IFT140: variants seen among roughly 807,000 people sequenced by gnomAD.
The protein encoded by IFT140 is intraflagellar transport protein 140 homolog.
A neutral mutation model predicts 164.6 loss-of-function variants in IFT140; 133 were observed. The ratio of observed to expected loss-of-function variants is 0.81; its 90% CI spans 0.70 to 0.93. The LOEUF (loss-of-function observed/expected upper bound fraction) is 0.93. IFT140 is among the 40% of genes least tolerant of loss of function. The pLI is 0.00. For missense variants in IFT140, 2,045 were observed against 1,972.3 expected, an observed-to-expected ratio of 1.04 and a Z score of -0.70; for synonymous variants, 860 against 817.3, an observed-to-expected ratio of 1.05 and a Z score of -0.89.
At chr16:1,511,796 C>T (rs964280598) in intron 30 of IFT140, among the ~76,000 whole-genome samples, 2 of 151,862 alleles carry the variant, frequency 1.3e-5, no homozygotes, top group African/African-American at 4.8e-5. Context: ...GACAAACCAC[C>T]TGCCATGTGC....
chr16:1,589,569 T>C, intron 7 of IFT140, 36 bp downstream of exon 7: 1 of 1,600,212 alleles, frequency 6.2e-7, no homozygotes. Flanking sequence ...TGGCCCAAGA[T>C]CCCCAGCGTG....
intron 19 of IFT140, chr16:1,554,886 C>T: frequency 6.2e-7 from 1 of 1,614,274 alleles, no homozygotes; most frequent in Non-Finnish European, 8.5e-7. Context: ...TCTGGCCACG[C>T]TGGCGGCAGC....
intron 19 of IFT140, among the ~76,000 whole-genome samples, chr16:1,535,504 T>A (rs535993999): frequency 2.1e-4 from 32 of 152,262 alleles, no homozygotes; most frequent in African/African-American, 7.7e-4. Flanking sequence ...CTCCTTCTGC[T>A]CTGAAGATAA....
intron 12 of IFT140, among the ~76,000 whole-genome samples, 198 bp downstream of exon 12, chr16:1,583,116 C>T (rs775739811): frequency 1.2e-4 from 19 of 152,096 alleles, no homozygotes; most frequent in Non-Finnish European, 2.4e-4. Context: ...TTGTTTACGC[C>T]CACACAGCAG....
At chr16:1,530,171 A>C (rs1596313019) in intron 19 of IFT140, among the ~76,000 whole-genome samples, 3 of 99,480 alleles carry the variant, frequency 3.0e-5, no homozygotes, top group Non-Finnish European at 3.5e-5. Context: ...ACAGAGTCTC[A>C]CTCTGTCACC....
At position 1,566,207 on chromosome 16, in the gene IFT140, T is replaced by C. The variant is rs1219453721; in HGVS notation, c.1855A>G (p.Ile619Val). 1 of 1,613,752 alleles carries C rather than the reference T, an allele frequency of 6.2e-7. No homozygotes were observed. Among genetic ancestry groups the C allele is most frequent in the East Asian group, 2.2e-5 (1 of 44,890 alleles). Residue 619 changes from isoleucine (I) to valine (V), a missense_variant, in exon 16 of 31, where the codon ATT becomes GTT. By Grantham distance (29) the Ile-to-Val change is conservative. Coordinates refer to ENST00000426508, the MANE Select transcript of IFT140 (RefSeq NM_014714.4). Reference protein sequence around the residue: ...VTVFDFKTGQIDRRETLSFNE... With the variant: ...VTVFDFKTGQVDRRETLSFNE... ...AAGGACAGCGTCTCTCTCCGATCAATTTGTCCAGTCTTGAAGTCAAAGACG... is the reference window on the plus strand; with the variant it reads ...AAGGACAGCGTCTCTCTCCGATCAACTTGTCCAGTCTTGAAGTCAAAGACG...
chr16:1,589,882 G>T, intron 6 of IFT140, 102 bp from the exon 7 acceptor site: 1 of 1,082,228 alleles, frequency 9.2e-7, no homozygotes, highest in Non-Finnish European at 1.3e-6. Context: ...CATTTTCAAA[G>T]CAAAGCATCT....
rs1002670900 is a variant in IFT140, at chr16:1,519,982, G to T, written c.3939C>A (p.Cys1313Ter). The T allele has an allele frequency of 5.6e-6, 9 of 1,606,544 alleles. No individual in the cohort carries two copies. The highest frequency in any genetic ancestry group is 1.3e-5 in the African/African-American group (1 of 74,398). ...AHGALTEAYK[C>*]LAKAKAKSPL... ...GGCTCTTGGCCTTGGCCTTGGCCAG[G>T]CACTTGTAGGCCTCGGTCAGCGCCC... is the stretch of plus-strand genomic sequence containing the variant. Residue 1313 changes from cysteine to a stop codon, truncating the protein, a stop_gained, in exon 29 of 31, where the codon TGC (cysteine) becomes TGA (stop). Coordinates refer to ENST00000426508, the MANE Select transcript of IFT140 (RefSeq NM_014714.4). LOFTEE classifies it high-confidence loss of function.
chr16:1,557,124 T>A (rs558115695), intron 19 of IFT140, among the ~76,000 whole-genome samples: 22 of 152,198 alleles, frequency 1.4e-4, no homozygotes, highest in Non-Finnish European at 2.9e-4. Context: ...CCCGGCCATA[T>A]TGAAGGTTTA....
intron 14 of IFT140, 125 bp downstream of exon 14, chr16:1,571,282 T>C: frequency 1.2e-6 from 1 of 829,976 alleles, no homozygotes; most frequent in Non-Finnish European, 1.9e-6. Context: ...AGAGCACAAG[T>C]GGCATGTCGG....
At chr16:1,534,259 C>T (rs540229484) in intron 19 of IFT140, 25 of 1,607,858 alleles carry the variant, frequency 1.6e-5, no homozygotes, top group Middle Eastern at 1.7e-4. Context: ...GGATAAGCGG[C>T]GGCACCGGCG....
At position 1,526,041 on chromosome 16, in the gene IFT140, G is replaced by A; in HGVS notation, c.2614C>T (p.His872Tyr). 1.9e-6 allele frequency: 3 copies of A among 1,600,226 alleles called. No homozygotes were observed. Among genetic ancestry groups the A allele is most frequent in the Non-Finnish European group, 2.6e-6 (3 of 1,173,792 alleles). ...TGGTAGAACTTGTTCAGGAGGTCGT[G>A]GCGCTTGCACTTCCTGTACAGCTGC... ...AEQLYRKCKR[H>Y]DLLNKFYQAA... Residue 872 changes from histidine to tyrosine, a missense_variant, in exon 21 of 31, where the codon CAC (histidine) becomes TAC (tyrosine). Transcript: ENST00000426508.
intron 30 of IFT140, among the ~76,000 whole-genome samples, chr16:1,513,888 T>TGG (rs914571870): frequency 3.5e-5 from 5 of 142,640 alleles, no homozygotes; most frequent in African/African-American, 1.3e-4. Flanking sequence ...TTAGCCAAGA[T>TGG]GGTCTCCATC....
intron 18 of IFT140, among the ~76,000 whole-genome samples, chr16:1,559,909 C>G (rs546042110): frequency 1.1e-4 from 17 of 152,336 alleles, no homozygotes; most frequent in South Asian, 8.3e-4. Flanking sequence ...GTCATACACG[C>G]CTGCTCTCTG....
rs564935788 is a variant in IFT140, at chr16:1,523,553, C to T, written c.3418G>A (p.Glu1140Lys). The change falls in exon 26 of 31, where the codon GAG (glutamate) becomes AAG (lysine). Residue 1140 changes from glutamate to lysine, a missense_variant. Physicochemically the swap from Glu to Lys is moderately conservative, Grantham distance 56. Coordinates refer to ENST00000426508, the MANE Select transcript of IFT140 (RefSeq NM_014714.4). Reference sequence around the variant, plus strand: ...GCCAGCAGCAGCTCTACCGCCCTCTCGTACTGACTGTGCTCGATGAAGAAG... The same window carrying T: ...GCCAGCAGCAGCTCTACCGCCCTCTTGTACTGACTGTGCTCGATGAAGAAG... ...SDFFIEHSQY[E>K]RAVELLLAAR... 1.2e-5 allele frequency: 19 copies of T among 1,613,214 alleles called. No individual in the cohort carries two copies. Among genetic ancestry groups the T allele is most frequent in the East Asian group, 6.7e-5 (3 of 44,878 alleles).
Position 1,592,517 on chromosome 16 carries a change from C to G in IFT140, c.441G>C (p.Glu147Asp), listed in dbSNP as rs62040002. Reference sequence around the variant, plus strand: ...TGCAGTGCGTGAGGTGTTTCCCATACTCGTGTTTCAGCAGAGGCGTCCCTT... The same window carrying G: ...TGCAGTGCGTGAGGTGTTTCCCATAGTCGTGTTTCAGCAGAGGCGTCCCTT... Reference protein sequence around the residue: ...RVQGTPLLKHEYGKHLTHCIF... With the variant: ...RVQGTPLLKHDYGKHLTHCIF... Residue 147 changes from glutamate (E) to aspartate (D), a missense_variant, in exon 5 of 31, where the codon GAG (glutamate) becomes GAC (aspartate). Glu to Asp is a conservative substitution (Grantham distance 45, BLOSUM62 2). Coordinates refer to ENST00000426508, the MANE Select transcript of IFT140 (RefSeq NM_014714.4). The G allele has an allele frequency of 6.2e-7, 1 of 1,614,154 alleles. No homozygotes were observed. The highest frequency in any genetic ancestry group is 2.2e-5 in the East Asian group (1 of 44,898).
intron 2 of IFT140, among the ~76,000 whole-genome samples, chr16:1,609,173 C>T (rs1163778514): frequency 6.6e-6 from 1 of 152,130 alleles, no homozygotes; most frequent in South Asian, 2.1e-4. Flanking sequence ...GGGGTTTTAA[C>T]ATGTTGCAGC....
intron 13 of IFT140, among the ~76,000 whole-genome samples, chr16:1,572,106 C>T (rs1375462142): frequency 3.3e-5 from 5 of 152,068 alleles, no homozygotes; most frequent in Admixed American, 2.0e-4. Context: ...CGCTTAGGCA[C>T]GACGCACCCA....
chr16:1,541,294 G>A, intron 19 of IFT140: 1 of 985,362 alleles, frequency 1.0e-6, no homozygotes, highest in South Asian at 4.7e-5. Context: ...GGGGCAGGTG[G>A]GGGGCACTGG....
Sources: allele counts gnomAD v4.1 joint callset (sites outside exome capture counted in the v4.1 genomes callset), GRCh38; gene constraint gnomAD v4.1.1; transcripts MANE v1.5; gene names NCBI Gene and HGNC (gene_info 2026-07-23, HGNC 2026-07-21).